Variants in CCBE1 observed in about 807,000 individuals in gnomAD.
The protein encoded by CCBE1 is collagen and calcium-binding EGF domain-containing protein 1.
A neutral mutation model predicts 50.0 loss-of-function variants in CCBE1; 37 were observed. The observed-to-expected ratio is 0.74, with a 90% CI of 0.57 to 0.97. The LOEUF (loss-of-function observed/expected upper bound fraction) is 0.97. CCBE1 is among the 50% of genes least tolerant of loss of function. The pLI is 0.00. For synonymous variants in CCBE1, 234 were observed against 203.7 expected (o/e 1.15, Z -1.27); for missense variants, 538 against 523.8 (o/e 1.03, Z -0.26).
chr18:59,536,833 C>CA (rs1293050761), intron 2 of CCBE1, among the ~76,000 whole-genome samples: 2 of 151,788 alleles, frequency 1.3e-5, no homozygotes, highest in Admixed American at 6.6e-5. Context: ...ACTAAAAATG[C>CA]AAAAAAACAT....
chr18:59,682,793 T>A (rs1433392067), intron 2 of CCBE1, among the ~76,000 whole-genome samples: 3 of 152,228 alleles, frequency 2.0e-5, no homozygotes, highest in African/African-American at 7.2e-5. Context: ...AAGGGTGAAA[T>A]TGGATGACCC....
At position 59,431,312 on chromosome 18, in the gene CCBE1, T is replaced by C. The variant is rs1909939235; in HGVS notation, c.*4596A>G. 2 of 152,216 alleles carry C rather than the reference T, an allele frequency of 1.3e-5. No homozygotes were observed. Among genetic ancestry groups the C allele is most frequent in the Admixed American group, 6.5e-5 (1 of 15,284 alleles). 9.4% of individuals were successfully genotyped at this position (152,216 alleles called of 1,614,324 possible). On this transcript the variant is annotated 3_prime_UTR_variant, in exon 11 of 11. Transcript: ENST00000439986. ...TTTGACTTGTTGTGAGATATAAATA[T>C]TGACTATGCCAGGAAAAAATTCATC... is the stretch of plus-strand genomic sequence containing the variant.
At chr18:59,613,886 T>TTTTG (rs1491113640) in intron 2 of CCBE1, among the ~76,000 whole-genome samples, 2 of 135,866 alleles carry the variant, frequency 1.5e-5, no homozygotes, top group African/African-American at 6.4e-5. Flanking sequence ...TTTTTTTTTT[T>TTTTG]GGCAGGGGGA....
intron 2 of CCBE1, among the ~76,000 whole-genome samples, chr18:59,695,220 G>T (rs1180593764): frequency 6.6e-6 from 1 of 152,164 alleles, no homozygotes; most frequent in Admixed American, 6.5e-5. Context: ...ATACTGTGCT[G>T]ATAGGAAAAC....
chr18:59,609,647 A>C (rs370657948), intron 2 of CCBE1, among the ~76,000 whole-genome samples: 2 of 152,314 alleles, frequency 1.3e-5, no homozygotes, highest in East Asian at 1.9e-4. Flanking sequence ...TTTACTCTAA[A>C]AGTATCTTTA....
At chr18:59,545,404 C>G (rs1356846440) in intron 2 of CCBE1, among the ~76,000 whole-genome samples, 5 of 152,142 alleles carry the variant, frequency 3.3e-5, no homozygotes, top group Non-Finnish European at 7.4e-5. Flanking sequence ...GCACCCACAA[C>G]ATTTTTGTTT....
intron 2 of CCBE1, among the ~76,000 whole-genome samples, chr18:59,536,239 G>A (rs531729218): frequency 6.6e-6 from 1 of 152,290 alleles, no homozygotes; most frequent in South Asian, 2.1e-4. Context: ...CATCTGGTGT[G>A]CAAGAGTCTG....
intron 3 of CCBE1, among the ~76,000 whole-genome samples, chr18:59,474,004 C>T (rs1912189111): frequency 2.0e-5 from 3 of 152,268 alleles, no homozygotes; most frequent in East Asian, 1.9e-4. Context: ...TTTTCTCTTC[C>T]TATGTTAGTT....
intron 2 of CCBE1, among the ~76,000 whole-genome samples, chr18:59,608,796 A>G (rs2053533944): frequency 6.6e-6 from 1 of 151,582 alleles, no homozygotes; most frequent in African/African-American, 2.4e-5. Context: ...TATTCAAAAT[A>G]AAAGATTTTC....
At chr18:59,562,724 A>G (rs1001594750) in intron 2 of CCBE1, among the ~76,000 whole-genome samples, 2 of 152,006 alleles carry the variant, frequency 1.3e-5, no homozygotes, top group Admixed American at 1.3e-4. Flanking sequence ...CTACTGGCAC[A>G]CCCCCTCATC....
intron 2 of CCBE1, among the ~76,000 whole-genome samples, chr18:59,633,289 A>G (rs2053873773): frequency 6.6e-6 from 1 of 152,234 alleles, no homozygotes; most frequent in Non-Finnish European, 1.5e-5. Context: ...CTCGCGACGA[A>G]TTACATGAAA....
At chr18:59,651,146 C>A (rs560326460) in intron 2 of CCBE1, among the ~76,000 whole-genome samples, 2 of 152,288 alleles carry the variant, frequency 1.3e-5, no homozygotes, top group South Asian at 4.1e-4. Flanking sequence ...TGAATAGAAG[C>A]AACAAGCCTA....
intron 2 of CCBE1, among the ~76,000 whole-genome samples, chr18:59,603,891 C>T (rs982371300): frequency 2.6e-5 from 4 of 152,110 alleles, no homozygotes; most frequent in East Asian, 1.9e-4. Flanking sequence ...CTCCTCAGGC[C>T]GAAAGGTCCT....
At chr18:59,507,608 G>A (rs191740345) in intron 2 of CCBE1, among the ~76,000 whole-genome samples, 244 of 152,292 alleles carry the variant, frequency 1.6e-3, no homozygotes, top group Non-Finnish European at 2.1e-3. Flanking sequence ...TGCTGTGGCT[G>A]TTTCCTTTGC....
In CCBE1 at chr18:59,534,474, G is replaced by C. The variant is rs77619925; in HGVS notation, c.213-54236C>G. 7.5e-3 allele frequency among the ~76,000 whole-genome samples: 1,148 copies of C among 152,286 alleles called. 12 individuals carry two copies. Among genetic ancestry groups the C allele is most frequent in the African/African-American group, 0.027 (1,110 of 41,568 alleles). ...GGGCTGTAATATTACATAACAACCT[G>C]CATCTGAATTTGATCCTCTGTCTGA... On this transcript the variant is annotated intron_variant, in intron 2 of 10. Transcript: ENST00000439986.
intron 2 of CCBE1, among the ~76,000 whole-genome samples, chr18:59,641,765 G>A (rs1488987771): frequency 6.6e-6 from 1 of 152,054 alleles, no homozygotes; most frequent in East Asian, 1.9e-4. Context: ...AAGTCCAAAG[G>A]GATAACACGC....
intron 2 of CCBE1, among the ~76,000 whole-genome samples, chr18:59,660,879 CT>C (rs1333076222): frequency 6.6e-6 from 1 of 152,132 alleles, no homozygotes; most frequent in South Asian, 2.1e-4. Context: ...ACAAATGTCC[CT>C]TTTTTTGTCC....
At position 59,693,721 on chromosome 18, in the gene CCBE1, A is replaced by G. The variant is rs532339267; in HGVS notation, c.212+2908T>C. On this transcript the variant is annotated intron_variant, in intron 2 of 10. Coordinates refer to ENST00000439986, the MANE Select transcript of CCBE1 (RefSeq NM_133459.4). The stretch of plus-strand genomic sequence containing the variant: ...GTTTTATACTCAAACATTTTCTAGG[A>G]CTTTTCTGAGCTCGTAATAGATGCA... Among the ~76,000 whole-genome samples, 3 of 152,206 alleles carry G rather than the reference A, an allele frequency of 2.0e-5. No homozygotes were observed. In the South Asian group the frequency reaches 6.2e-4, roughly 32 times the overall value.
At chr18:59,660,028 G>T (rs569370186) in intron 2 of CCBE1, among the ~76,000 whole-genome samples, 1 of 152,312 alleles carries the variant, frequency 6.6e-6, no homozygotes, top group South Asian at 2.1e-4. Context: ...TGGAGCTCAT[G>T]TGTAGTTCTC....
Sources: gnomAD v4.1 joint callset for allele counts (sites outside exome capture counted in the v4.1 genomes callset) on GRCh38, gnomAD v4.1.1 for gene constraint, MANE v1.5 for transcripts, NCBI Gene and HGNC (gene_info 2026-07-23, HGNC 2026-07-21) for gene names.